Variants in RAD51B observed in about 807,000 individuals in gnomAD.
The protein encoded by RAD51B is DNA repair protein RAD51 homolog 2.
Under a neutral mutation model 42.2 loss-of-function variants are expected in RAD51B, and 38 were observed. The observed-to-expected ratio is 0.90, with a 90% confidence interval of 0.70 to 1.18. The LOEUF is 1.18. RAD51B is among the 50% of genes most tolerant of loss of function. The pLI, the probability that RAD51B is intolerant of heterozygous loss-of-function variation, is 0.00. For synonymous variants in RAD51B, 154 were observed against 145.2 expected, an observed-to-expected ratio of 1.06 and a Z score of -0.43; for missense variants, 373 against 400.7, an observed-to-expected ratio of 0.93 and a Z score of 0.59.
intron 9 of RAD51B, among the ~76,000 whole-genome samples, chr14:68,438,041 G>A (rs561179673): frequency 6.6e-5 from 10 of 152,098 alleles, no homozygotes; most frequent in Non-Finnish European, 1.5e-4. Context: ...GGGGAGGATG[G>A]GGCCTGTATG....
intron 10 of RAD51B, among the ~76,000 whole-genome samples, chr14:68,576,601 G>A (rs1255369168): frequency 1.3e-5 from 2 of 152,216 alleles, no homozygotes; most frequent in Admixed American, 6.5e-5. Flanking sequence ...GGAATGCAGG[G>A]AAACAGTCTT....
chr14:68,301,501 C>T (rs1290876685), intron 8 of RAD51B, among the ~76,000 whole-genome samples: 2 of 151,910 alleles, frequency 1.3e-5, no homozygotes, highest in Non-Finnish European at 1.5e-5. Flanking sequence ...ACAGCTCTTG[C>T]CCTTTGACTG....
At chr14:68,123,673 T>C (rs1046053707) in intron 7 of RAD51B, among the ~76,000 whole-genome samples, 4 of 152,038 alleles carry the variant, frequency 2.6e-5, no homozygotes, top group South Asian at 4.2e-4. Flanking sequence ...CTCGGCATGG[T>C]GGCGCACACC....
chr14:68,586,385 C>T (rs193107233), intron 10 of RAD51B, among the ~76,000 whole-genome samples: 187 of 152,324 alleles, frequency 1.2e-3, no homozygotes, highest in Admixed American at 1.6e-3. Context: ...ATTTGCGGTG[C>T]GCCCAAGAAC....
intron 7 of RAD51B, among the ~76,000 whole-genome samples, chr14:68,196,364 T>C (rs75086997): frequency 0.028 from 4,307 of 152,262 alleles, 231 homozygotes; most frequent in African/African-American, 0.099. Context: ...AAATGTTTCA[T>C]TGGCTTCTGG....
chr14:68,498,698 T>G (rs1263696343), intron 10 of RAD51B, among the ~76,000 whole-genome samples: 2 of 152,226 alleles, frequency 1.3e-5, no homozygotes, highest in East Asian at 3.8e-4. Context: ...CCCATGCAAT[T>G]AGACTCATCA....
At chr14:68,321,583 T>G (rs929789591) in intron 8 of RAD51B, among the ~76,000 whole-genome samples, 1 of 152,184 alleles carries the variant, frequency 6.6e-6, no homozygotes, top group African/African-American at 2.4e-5. Context: ...TGATCCATAA[T>G]CTGCTCTTTC....
intron 10 of RAD51B, among the ~76,000 whole-genome samples, chr14:68,630,051 G>A (rs1479978520): frequency 6.6e-6 from 1 of 152,212 alleles, no homozygotes; most frequent in Non-Finnish European, 1.5e-5. Context: ...TTCTTATCAC[G>A]TCAGGGAGGA....
chr14:68,478,613 T>C (rs958126224), downstream of RAD51B, among the ~76,000 whole-genome samples: 8 of 152,256 alleles, frequency 5.3e-5, no homozygotes, highest in African/African-American at 1.7e-4. Context: ...ATTAAATCTT[T>C]CCAGCCTTTG....
chr14:68,356,476 TATTAA>T (rs1368456658), intron 8 of RAD51B, among the ~76,000 whole-genome samples: 1 of 151,620 alleles, frequency 6.6e-6, no homozygotes, highest in Non-Finnish European at 1.5e-5. Context: ...CACTCTACTC[TATTAA>T]AAGTGCAATA....
chr14:68,613,168 C>T (rs2140109666), downstream of RAD51B, among the ~76,000 whole-genome samples: 1 of 152,312 alleles, frequency 6.6e-6, no homozygotes, highest in African/African-American at 2.4e-5. Context: ...GTAATCCCAG[C>T]ACTTTGGGAG....
intron 7 of RAD51B, among the ~76,000 whole-genome samples, chr14:68,093,206 T>A (rs1057278875): frequency 6.6e-6 from 1 of 152,028 alleles, no homozygotes; most frequent in Non-Finnish European, 1.5e-5. Context: ...AGGATGATGC[T>A]GGCCTCATAA....
chr14:68,445,987 A>G (rs1013279611), intron 9 of RAD51B, among the ~76,000 whole-genome samples: 15 of 152,176 alleles, frequency 9.9e-5, no homozygotes, highest in African/African-American at 3.4e-4. Context: ...GTGAGGCTAC[A>G]TGTCATGGTT....
intron 8 of RAD51B, among the ~76,000 whole-genome samples, chr14:68,328,732 G>T (rs2082292550): frequency 6.6e-6 from 1 of 152,212 alleles, no homozygotes. Flanking sequence ...CTGAGCATGT[G>T]AGAATCCAAC....
intron 7 of RAD51B, among the ~76,000 whole-genome samples, chr14:68,124,820 G>A (rs977173577): frequency 2.0e-5 from 3 of 151,848 alleles, no homozygotes; most frequent in Non-Finnish European, 4.4e-5. Flanking sequence ...GGCATGGCGG[G>A]CACCTGTAAT....
intron 10 of RAD51B, among the ~76,000 whole-genome samples, chr14:68,648,036 T>TATATAC (rs375269798): frequency 0.21 from 23,575 of 113,852 alleles, 3,387 homozygotes; most frequent in Non-Finnish European, 0.24. Context: ...TATATATATA[T>TATATAC]ACACACGTAT....
chr14:68,678,803 T>C (rs990003564), intron 11 of RAD51B, among the ~76,000 whole-genome samples: 1 of 152,220 alleles, frequency 6.6e-6, no homozygotes, highest in African/African-American at 2.4e-5. Flanking sequence ...TTCTGTGGCA[T>C]GAAATGGCCT....
chr14:68,171,723 G>A (rs1241914469), intron 7 of RAD51B, among the ~76,000 whole-genome samples: 1 of 151,564 alleles, frequency 6.6e-6, no homozygotes, highest in Non-Finnish European at 1.5e-5. Flanking sequence ...TTTTTTGTGT[G>A]TGTGACGGAG....
intron 7 of RAD51B, among the ~76,000 whole-genome samples, chr14:68,256,391 A>G (rs761653249): frequency 2.0e-4 from 30 of 152,168 alleles, no homozygotes; most frequent in Non-Finnish European, 3.7e-4. Context: ...GACTTACTGG[A>G]AAGTCCATTA....
Sources: gnomAD v4.1 joint callset for allele counts (sites outside exome capture counted in the v4.1 genomes callset) on GRCh38, gnomAD v4.1.1 for gene constraint, MANE v1.5 for transcripts, NCBI Gene and HGNC (gene_info 2026-07-23, HGNC 2026-07-21) for gene names.